The following WDR37 variants were observed in gnomAD, a reference collection of about 807,000 sequenced individuals.
WDR37 encodes the protein WD repeat domain 37, also known as WD repeat-containing protein 37.
Under a neutral mutation model 62.9 loss-of-function variants are expected in WDR37, and 19 were observed. The observed-to-expected ratio is 0.30, with a 90% CI of 0.21 to 0.44. The LOEUF (loss-of-function observed/expected upper bound fraction) is 0.44, where lower values mean the gene tolerates loss of function less well. Among genes scored for constraint, WDR37 ranks in the 20% least tolerant of loss-of-function variants. The probability of loss-of-function intolerance (pLI) is 1.00; values close to 1 mark genes in which losing one functional copy is unlikely to be tolerated. For missense variants in WDR37, 474 were observed against 657.6 expected (o/e 0.72, Z 3.05); for synonymous variants, 250 against 260.9 (o/e 0.96, Z 0.40).
At chr10:1,125,539 C>G (rs1197566732) in intron 13 of WDR37, among the ~76,000 whole-genome samples, 2 of 152,172 alleles carry the variant, frequency 1.3e-5, no homozygotes, top group Non-Finnish European at 2.9e-5. Flanking sequence ...ATCGGCTTTT[C>G]AGTTTACAAA....
At chr10:1,109,750 A>AT (rs1341998599) in intron 11 of WDR37, among the ~76,000 whole-genome samples, 1 of 152,178 alleles carries the variant, frequency 6.6e-6, no homozygotes. Flanking sequence ...TTTGTGGTAC[A>AT]TTTTTGCAGC....
intron 5 of WDR37, among the ~76,000 whole-genome samples, chr10:1,082,046 T>G (rs774289622): frequency 6.6e-5 from 10 of 152,238 alleles, no homozygotes; most frequent in Non-Finnish European, 1.3e-4. Flanking sequence ...AGAAGCATAT[T>G]ACTAATGATC....
chr10:1,069,389 A>ATATATATATATATT, intron 1 of WDR37, among the ~76,000 whole-genome samples: 60 of 95,776 alleles, frequency 6.3e-4, no homozygotes, highest in African/African-American at 1.1e-3. Context: ...ATATATATAT[A>ATATATATATATATT]TTTTTTTTTT....
At chr10:1,065,834 A>G (rs1285860565) in intron 1 of WDR37, among the ~76,000 whole-genome samples, 4 of 152,194 alleles carry the variant, frequency 2.6e-5, no homozygotes, top group East Asian at 1.9e-4. Context: ...AGCCAAATCA[A>G]TAAGGTAGTA....
intron 11 of WDR37, among the ~76,000 whole-genome samples, chr10:1,116,098 C>T (rs1835385243): frequency 4.6e-5 from 7 of 152,194 alleles, no homozygotes; most frequent in African/African-American, 2.4e-5. Flanking sequence ...GCATACCCCT[C>T]ATTGGAGTGA....
intron 7 of WDR37, among the ~76,000 whole-genome samples, chr10:1,091,554 T>C (rs1834388783): frequency 6.6e-6 from 1 of 152,260 alleles, no homozygotes; most frequent in Admixed American, 6.5e-5. Context: ...ATTTCCTATA[T>C]GTTCTACGTT....
At chr10:1,104,190 T>A (rs80066736) in intron 10 of WDR37, among the ~76,000 whole-genome samples, 1 of 152,208 alleles carries the variant, frequency 6.6e-6, no homozygotes, top group Non-Finnish European at 1.5e-5. Flanking sequence ...CCGTGGTAGC[T>A]GCTCTTCTCC....
At chr10:1,127,310 T>C (rs540839192) in intron 13 of WDR37, among the ~76,000 whole-genome samples, 1 of 152,352 alleles carries the variant, frequency 6.6e-6, no homozygotes, top group Admixed American at 6.5e-5. Context: ...TAGGATTCTG[T>C]TGTGCCTGGG....
At chr10:1,067,828 C>T (rs937684382) in intron 1 of WDR37, among the ~76,000 whole-genome samples, 4 of 152,092 alleles carry the variant, frequency 2.6e-5, no homozygotes, top group East Asian at 1.9e-4. Flanking sequence ...TGCCTGTTGA[C>T]GGATGACTAG....
chr10:1,083,208 A>G (rs1398157787), intron 5 of WDR37, among the ~76,000 whole-genome samples: 4 of 152,254 alleles, frequency 2.6e-5, no homozygotes, highest in African/African-American at 9.6e-5. Context: ...TGAATAGGAT[A>G]TTAGTGTTCA....
chr10:1,088,686 A>G (rs1021399750), intron 7 of WDR37, among the ~76,000 whole-genome samples: 1 of 152,080 alleles, frequency 6.6e-6, no homozygotes, highest in African/African-American at 2.4e-5. Flanking sequence ...GTGCTGGCAA[A>G]AAGAAATTAA....
intron 2 of WDR37, chr10:1,074,635 G>A (rs1833814449): frequency 5.2e-6 from 4 of 765,552 alleles, no homozygotes; most frequent in Admixed American, 5.7e-5. Context: ...TGCCGCACGC[G>A]TTTGGCATGG....
chr10:1,103,876 ATGTTAG>A lies in WDR37; in HGVS notation c.961+42_961+47del. ...TGAGTCCGCCGCCTCCTGGCTGTGC[ATGTTAG>A]TTTATGTCCATGGGTTATGTCTGAC... On this transcript the variant is annotated intron_variant, in intron 10 of 13. Transcript: ENST00000263150. This position sits in a 1 kb window ranked among gnomAD's most constrained non-coding sequence, Gnocchi z 6.3. The A allele has an allele frequency of 6.3e-7, 1 of 1,589,362 alleles. No homozygotes were observed. Among genetic ancestry groups the A allele is most frequent in the Admixed American group, 1.7e-5 (1 of 57,558 alleles).
chr10:1,069,320 A>G (rs1381439590), intron 1 of WDR37, among the ~76,000 whole-genome samples: 1 of 147,672 alleles, frequency 6.8e-6, no homozygotes, highest in African/African-American at 2.5e-5. Flanking sequence ...AAAACCCTGT[A>G]TATTATTGTT....
At chr10:1,069,583 A>C (rs1029912422) in intron 1 of WDR37, among the ~76,000 whole-genome samples, 1 of 151,878 alleles carries the variant, frequency 6.6e-6, no homozygotes, top group African/African-American at 2.4e-5. Flanking sequence ...TTTACATAAC[A>C]GTCTCAAAAT....
At chr10:1,096,495 A>G (rs1027191881) in intron 9 of WDR37, 1 of 525,924 alleles carries the variant, frequency 1.9e-6, no homozygotes, top group African/African-American at 1.9e-5. Context: ...TCTCTCTGTC[A>G]CTCTCCGTGT....
intron 11 of WDR37, among the ~76,000 whole-genome samples, chr10:1,114,994 C>G (rs551111151): frequency 6.6e-6 from 1 of 151,914 alleles, no homozygotes; most frequent in South Asian, 2.1e-4. Flanking sequence ...ACCCCAATCC[C>G]GTAGAGTTTT....
intron 9 of WDR37, among the ~76,000 whole-genome samples, chr10:1,102,885 AC>A (rs746131735): frequency 2.1e-4 from 32 of 152,234 alleles, no homozygotes; most frequent in Non-Finnish European, 4.1e-4. Flanking sequence ...CAGGGGCTTT[AC>A]CAGGGGTCCT....
intron 11 of WDR37, among the ~76,000 whole-genome samples, chr10:1,108,143 T>C (rs924752621): frequency 2.6e-5 from 4 of 152,224 alleles, no homozygotes; most frequent in African/African-American, 9.6e-5. Flanking sequence ...AATAAGAAAA[T>C]TAGTAAAAAT....
Sources: gnomAD v4.1 joint callset for allele counts (sites outside exome capture counted in the v4.1 genomes callset) on GRCh38, gnomAD v4.1.1 for gene constraint, Gnocchi (gnomAD v3.1) non-coding constraint, MANE v1.5 for transcripts, NCBI Gene and HGNC (gene_info 2026-07-23, HGNC 2026-07-21) for gene names.